Variants in CELF2 observed in about 807,000 individuals in gnomAD.
The protein encoded by CELF2 is CUGBP Elav-like family member 2.
In CELF2, 8 loss-of-function variants were observed where a neutral mutation model predicts 62.6. The ratio of observed to expected loss-of-function variants is 0.13; its 90% CI spans 0.07 to 0.23. CELF2 has a LOEUF of 0.23. CELF2 is among the 10% of genes least tolerant of loss of function. CELF2 has a pLI of 1.00. For missense variants in CELF2, 333 were observed against 671.0 expected, an observed-to-expected ratio of 0.50 and a Z score of 5.56; for synonymous variants, 258 against 250.0, an observed-to-expected ratio of 1.03 and a Z score of -0.30.
the CELF2 span, among the ~76,000 whole-genome samples, chr10:10,659,600 G>A: frequency 6.6e-6 from 1 of 152,198 alleles, no homozygotes; most frequent in Middle Eastern, 3.4e-3. Context: ...TATTGCAATG[G>A]CATCCAAGGT....
At chr10:11,239,028 G>T (rs896166999) in intron 3 of CELF2, among the ~76,000 whole-genome samples, 13 of 152,132 alleles carry the variant, frequency 8.5e-5, no homozygotes, top group African/African-American at 3.1e-4. Context: ...ATAGGCTGAG[G>T]AACTAGGATG....
chr10:10,705,480 G>C, the CELF2 span, among the ~76,000 whole-genome samples: 1 of 151,876 alleles, frequency 6.6e-6, no homozygotes, highest in Non-Finnish European at 1.5e-5. Flanking sequence ...GGCTGTGATT[G>C]AACTACAGGG....
rs1565420659 is a variant in CELF2 at position 11,227,619 on chromosome 10, C to T, written c.354+10112C>T. On this transcript the variant is annotated intron_variant, in intron 3 of 12. Transcript: ENST00000633077. This position sits in a 1 kb window ranked among gnomAD's most constrained non-coding sequence, Gnocchi z 4.8. ...TTTTGCTGTTATCTGCTGTTAGATT[C>T]GGCCGGAATCTAAGGGATAGAGATG... Among the ~76,000 whole-genome samples the T allele has an allele frequency of 6.6e-6, 1 of 152,154 alleles. No individual in the cohort carries two copies. Among genetic ancestry groups the T allele is most frequent in the Non-Finnish European group, 1.5e-5 (1 of 68,030 alleles).
chr10:11,050,887 G>T (rs190224535), intron 1 of CELF2, among the ~76,000 whole-genome samples: 1 of 152,082 alleles, frequency 6.6e-6, no homozygotes. Flanking sequence ...TCACTCACTC[G>T]CCCACTGGGC....
intron 2 of CELF2, among the ~76,000 whole-genome samples, chr10:11,205,831 G>A (rs568639162): frequency 6.6e-6 from 1 of 152,298 alleles, no homozygotes; most frequent in South Asian, 2.1e-4. Context: ...GTGGGGTGAA[G>A]ACAGTTATAA....
At chr10:10,661,231 G>A in the CELF2 span, among the ~76,000 whole-genome samples, 6 of 152,168 alleles carry the variant, frequency 3.9e-5, no homozygotes, top group South Asian at 2.1e-4. Flanking sequence ...TGGATTACTC[G>A]TCTACGGTAG....
At chr10:10,698,469 T>C in the CELF2 span, among the ~76,000 whole-genome samples, 1 of 152,240 alleles carries the variant, frequency 6.6e-6, no homozygotes, top group Non-Finnish European at 1.5e-5. Flanking sequence ...TTGATATACA[T>C]ATGTAACATT....
intron 1 of CELF2, among the ~76,000 whole-genome samples, chr10:11,061,325 A>G (rs1456961926): frequency 1.3e-5 from 2 of 152,244 alleles, no homozygotes; most frequent in African/African-American, 4.8e-5. Context: ...ATAACTCTTC[A>G]ATTCTTTGAA....
chr10:11,225,077 C>G (rs190297268), intron 3 of CELF2, among the ~76,000 whole-genome samples: 2 of 152,224 alleles, frequency 1.3e-5, no homozygotes, highest in Admixed American at 6.5e-5. Context: ...CCTGGGAAGT[C>G]TCATTAGTAG....
chr10:10,543,717 C>T, the CELF2 span, among the ~76,000 whole-genome samples: 1 of 151,790 alleles, frequency 6.6e-6, no homozygotes, highest in Non-Finnish European at 1.5e-5. Context: ...TGAGATCATG[C>T]CACTGCACAC....
At chr10:10,746,302 G>A in the CELF2 span, among the ~76,000 whole-genome samples, 215 of 152,220 alleles carry the variant, frequency 1.4e-3, no homozygotes, top group African/African-American at 4.9e-3. Flanking sequence ...GACATTAAAA[G>A]TCAGATATTT....
the CELF2 span, among the ~76,000 whole-genome samples, chr10:10,602,681 T>G: frequency 6.6e-6 from 1 of 152,114 alleles, no homozygotes; most frequent in African/African-American, 2.4e-5. Context: ...AGGGAGATAT[T>G]TTTATATTAT....
intron 1 of CELF2, among the ~76,000 whole-genome samples, chr10:11,025,073 A>C (rs2058920878): frequency 6.6e-6 from 1 of 152,164 alleles, no homozygotes; most frequent in Non-Finnish European, 1.5e-5. Flanking sequence ...TTCTCCTAGT[A>C]GCAGGAAAGT....
chr10:10,878,568 G>A (rs1410156579), intron 1 of CELF2, among the ~76,000 whole-genome samples: 3 of 152,066 alleles, frequency 2.0e-5, no homozygotes, highest in African/African-American at 2.4e-5. Context: ...CGTCCAAGTG[G>A]GCAGGCCTAG....
At chr10:10,807,231 A>T (rs2055327635) in intron 1 of CELF2, among the ~76,000 whole-genome samples, 1 of 152,176 alleles carries the variant, frequency 6.6e-6, no homozygotes, top group Non-Finnish European at 1.5e-5. Flanking sequence ...TTTTCTTTTG[A>T]GGTCCCCAAA....
chr10:10,496,093 C>T, the CELF2 span, among the ~76,000 whole-genome samples: 4 of 152,116 alleles, frequency 2.6e-5, no homozygotes, highest in Non-Finnish European at 5.9e-5. Flanking sequence ...GCTCATGTCC[C>T]CATTTGACAG....
chr10:10,907,244 G>T (rs1175089070), intron 1 of CELF2, among the ~76,000 whole-genome samples: 2 of 152,010 alleles, frequency 1.3e-5, no homozygotes, highest in Non-Finnish European at 2.9e-5. Context: ...AGCTATATGG[G>T]GTGAAAAAGG....
the CELF2 span, among the ~76,000 whole-genome samples, chr10:10,586,222 C>T: frequency 6.6e-6 from 1 of 152,184 alleles, no homozygotes; most frequent in South Asian, 2.1e-4. Flanking sequence ...CAATAACTTG[C>T]AACAGGGAAA....
the CELF2 span, among the ~76,000 whole-genome samples, chr10:10,556,605 C>T: frequency 1.3e-5 from 2 of 152,124 alleles, no homozygotes; most frequent in Non-Finnish European, 1.5e-5. Context: ...GAGGAGTCGC[C>T]ACGCTGACTT....
Sources: gnomAD v4.1 joint callset for allele counts (sites outside exome capture counted in the v4.1 genomes callset) on GRCh38, gnomAD v4.1.1 for gene constraint, Gnocchi (gnomAD v3.1) non-coding constraint, MANE v1.5 for transcripts, NCBI Gene and HGNC (gene_info 2026-07-23, HGNC 2026-07-21) for gene names.